COPG2: variants seen among roughly 807,000 people sequenced by gnomAD.
COPG2 encodes the protein coat protein complex I subunit gamma 2, also known as coatomer subunit gamma-2.
Under a neutral mutation model 46.3 loss-of-function variants are expected in COPG2, and 37 were observed. The ratio of observed to expected loss-of-function variants is 0.80; its 90% CI spans 0.61 to 1.05. COPG2 has a LOEUF of 1.05. COPG2 is among the 50% of genes least tolerant of loss of function. COPG2 has a pLI of 0.00. For missense variants in COPG2, 427 were observed against 387.8 expected, an observed-to-expected ratio of 1.10 and a Z score of -0.85; for synonymous variants, 159 against 129.7, an observed-to-expected ratio of 1.23 and a Z score of -1.53.
At chr7:130,571,950 G>C (rs1793912072) in intron 9 of COPG2, among the ~76,000 whole-genome samples, 1 of 151,916 alleles carries the variant, frequency 6.6e-6, no homozygotes, top group Non-Finnish European at 1.5e-5. Flanking sequence ...CAGCAACCAG[G>C]GTGCAGTTGG....
At chr7:130,566,221 T>C (rs1195094351) in intron 9 of COPG2, among the ~76,000 whole-genome samples, 2 of 152,210 alleles carry the variant, frequency 1.3e-5, no homozygotes, top group Non-Finnish European at 2.9e-5. Flanking sequence ...TGGTTTCGAT[T>C]TGCATTTCTC....
chr7:130,556,985 A>G (rs1418264320), intron 12 of COPG2, among the ~76,000 whole-genome samples: 2 of 152,194 alleles, frequency 1.3e-5, no homozygotes, highest in African/African-American at 4.8e-5. Context: ...CTCCACAATT[A>G]TTTAGCATTA....
intron 9 of COPG2, among the ~76,000 whole-genome samples, chr7:130,573,464 C>G (rs556541259): frequency 2.6e-5 from 4 of 152,042 alleles, no homozygotes; most frequent in East Asian, 1.9e-4. Flanking sequence ...CAAACTGAAT[C>G]CAGTAATATG....
chr7:130,532,353 A>C (rs1584965049), intron 20 of COPG2, among the ~76,000 whole-genome samples: 1 of 152,274 alleles, frequency 6.6e-6, no homozygotes, highest in East Asian at 1.9e-4. Context: ...GGGTGAGAGC[A>C]GACAGCAGGG....
intron 4 of COPG2, among the ~76,000 whole-genome samples, chr7:130,658,744 G>T (rs1367766778): frequency 6.6e-6 from 1 of 151,538 alleles, no homozygotes; most frequent in Non-Finnish European, 1.5e-5. Flanking sequence ...GCAGTGGCAC[G>T]ATCTCAGCTC....
intron 5 of COPG2, among the ~76,000 whole-genome samples, chr7:130,626,421 TC>T (rs1267642771): frequency 0.038 from 4,107 of 107,916 alleles, 159 homozygotes; most frequent in African/African-American, 0.12. Flanking sequence ...TTTTTTTTTT[TC>T]TATTTTTTAG....
At chr7:130,626,946 C>T (rs11979934) in intron 5 of COPG2, among the ~76,000 whole-genome samples, 2,098 of 152,240 alleles carry the variant, frequency 0.014, 22 homozygotes, top group Middle Eastern at 0.054. Flanking sequence ...TGCAGTAGCA[C>T]GATACTGGCT....
intron 9 of COPG2, among the ~76,000 whole-genome samples, chr7:130,576,925 G>A (rs1190317528): frequency 6.6e-6 from 1 of 152,118 alleles, no homozygotes; most frequent in African/African-American, 2.4e-5. Context: ...AAACGAAACA[G>A]AAGATATTAC....
At chr7:130,668,491 G>A (rs1172072458) in intron 1 of COPG2, 141 bp downstream of exon 1, 2 of 602,684 alleles carry the variant, frequency 3.3e-6, no homozygotes, top group South Asian at 5.0e-5. Flanking sequence ...CGCGAGGGGA[G>A]GGGAGGGGCC....
chr7:130,629,087 T>G (rs1795175194), intron 5 of COPG2, among the ~76,000 whole-genome samples: 1 of 152,276 alleles, frequency 6.6e-6, no homozygotes, highest in South Asian at 2.1e-4. Flanking sequence ...GGTATAAAAT[T>G]ATCAGTTGAC....
chr7:130,513,290 TAAAAAA>T (rs1205677638), intron 20 of COPG2, among the ~76,000 whole-genome samples: 40 of 20,278 alleles, frequency 2.0e-3, no homozygotes, highest in South Asian at 5.9e-3. Context: ...TAATTCTGTC[TAAAAAA>T]AAAAAAAAAA....
At chr7:130,648,751 C>A (rs1554458686) in intron 5 of COPG2, among the ~76,000 whole-genome samples, 1 of 152,196 alleles carries the variant, frequency 6.6e-6, no homozygotes, top group African/African-American at 2.4e-5. Flanking sequence ...GTTCTCAGTT[C>A]CACCCTACAG....
At chr7:130,653,977 A>C (rs561473542) in intron 4 of COPG2, among the ~76,000 whole-genome samples, 45 of 151,554 alleles carry the variant, frequency 3.0e-4, no homozygotes, top group African/African-American at 9.2e-4. Context: ...AGAAAAAAAA[A>C]GTTCTGTGAG....
chr7:130,548,185 T>C (rs961856546), intron 19 of COPG2, among the ~76,000 whole-genome samples: 8 of 152,200 alleles, frequency 5.3e-5, no homozygotes, highest in Non-Finnish European at 1.0e-4. Context: ...TTGTCCAACT[T>C]CATCACACAT....
intron 9 of COPG2, among the ~76,000 whole-genome samples, chr7:130,597,021 C>T (rs1433242820): frequency 2.6e-5 from 4 of 152,214 alleles, no homozygotes; most frequent in African/African-American, 7.2e-5. Context: ...CAAGCCTTCA[C>T]GGCTCTTTAT....
rs952314236 is a variant in COPG2, at chr7:130,525,966, A to G, written c.2150-17307T>C. Among the ~76,000 whole-genome samples, 82 of 152,298 alleles carry G rather than the reference A, an allele frequency of 5.4e-4. 4 individuals carry two copies. In the South Asian group the frequency reaches 0.017, roughly 32 times the overall value. ...GGGAAAGAAGAAATGAGTGACCTGG[A>G]CAGCCTGAATGGGTAACGAAAGGGT... On this transcript the variant is annotated intron_variant, in intron 20 of 23. Coordinates refer to ENST00000425248, the MANE Select transcript of COPG2 (RefSeq NM_012133.6).
At chr7:130,508,201 T>A (rs1799533777) in intron 21 of COPG2, 1 of 249,620 alleles carries the variant, frequency 4.0e-6, no homozygotes, top group Admixed American at 4.9e-5. Flanking sequence ...AACTAACAGC[T>A]GCTGAAGCAA....
At chr7:130,518,575 C>G (rs935984427) in intron 20 of COPG2, among the ~76,000 whole-genome samples, 3 of 152,034 alleles carry the variant, frequency 2.0e-5, no homozygotes, top group Admixed American at 1.3e-4. Context: ...GCTGATAATA[C>G]TGATGTTAAT....
At chr7:130,521,691 AG>A (rs1799725300) in intron 20 of COPG2, among the ~76,000 whole-genome samples, 2 of 152,264 alleles carry the variant, frequency 1.3e-5, no homozygotes, top group African/African-American at 2.4e-5. Flanking sequence ...CTAAATAAAA[AG>A]AGCACTGCAT....
Sources: gnomAD v4.1 joint callset for allele counts (sites outside exome capture counted in the v4.1 genomes callset) on GRCh38, gnomAD v4.1.1 for gene constraint, MANE v1.5 for transcripts, NCBI Gene and HGNC (gene_info 2026-07-23, HGNC 2026-07-21) for gene names.